The following FBXL17 variants were observed in gnomAD, a reference collection of about 807,000 sequenced individuals.
FBXL17 encodes the protein F-box and leucine rich repeat protein 17.
Under a neutral mutation model 66.2 loss-of-function variants are expected in FBXL17, and 22 were observed. That is an observed-to-expected ratio of 0.33 (90% CI 0.24 to 0.47). The LOEUF is 0.47. Among genes scored for constraint, FBXL17 ranks in the 20% least tolerant of loss-of-function variants. The probability of loss-of-function intolerance (pLI) is 1.00; values close to 1 mark genes in which losing one functional copy is unlikely to be tolerated. For missense variants in FBXL17, 878 were observed against 948.2 expected (o/e 0.93, Z 0.97); for synonymous variants, 474 against 400.5 (o/e 1.18, Z -2.19).
chr5:108,229,370 T>C (rs1000992972), intron 4 of FBXL17, among the ~76,000 whole-genome samples: 5 of 152,056 alleles, frequency 3.3e-5, no homozygotes, highest in Non-Finnish European at 7.4e-5. Context: ...AAAATACGCA[T>C]ATAGGCCAAT....
At chr5:107,999,339 A>G (rs532361466) in intron 7 of FBXL17, among the ~76,000 whole-genome samples, 1 of 152,280 alleles carries the variant, frequency 6.6e-6, no homozygotes, top group South Asian at 2.1e-4. Context: ...GGCACTAGCC[A>G]TGCAAGACTC....
chr5:108,077,564 G>A (rs1748600198), intron 6 of FBXL17, among the ~76,000 whole-genome samples: 1 of 151,692 alleles, frequency 6.6e-6, no homozygotes, highest in Non-Finnish European at 1.5e-5. Flanking sequence ...ATATGAGGCT[G>A]AGGCAGGAGG....
At chr5:107,898,252 GT>G (rs1749448103) in intron 7 of FBXL17, among the ~76,000 whole-genome samples, 1 of 152,086 alleles carries the variant, frequency 6.6e-6, no homozygotes, top group South Asian at 2.1e-4. Flanking sequence ...AACACTTTTA[GT>G]GAAAAAGGAA....
chr5:108,379,433 T>A (rs1749685869), intron 1 of FBXL17, among the ~76,000 whole-genome samples: 1 of 152,194 alleles, frequency 6.6e-6, no homozygotes, highest in African/African-American at 2.4e-5. Flanking sequence ...AAGAATTAGA[T>A]CATTACATTT....
chr5:107,924,680 C>A (rs1580716725), intron 7 of FBXL17, among the ~76,000 whole-genome samples: 1 of 152,170 alleles, frequency 6.6e-6, no homozygotes. Context: ...TGGACTTAAC[C>A]AGGCAATTGT....
chr5:107,895,794 C>T (rs1030304109), intron 7 of FBXL17, among the ~76,000 whole-genome samples: 3 of 152,078 alleles, frequency 2.0e-5, no homozygotes, highest in African/African-American at 7.2e-5. Flanking sequence ...GTGTTGTTAC[C>T]AAAAACCTAT....
Position 108,076,691 on chromosome 5 carries a change from A to G in FBXL17, c.1746-55690T>C, listed in dbSNP as rs553907419. On this transcript the variant is annotated intron_variant, in intron 6 of 8. Coordinates refer to ENST00000542267, the MANE Select transcript of FBXL17 (RefSeq NM_001163315.3). Reference sequence around the variant, plus strand: ...AAAAATTTGCAGCCATAGAGAATCTACCTTAATACGGCAATGTCCCCTCCC... The same window carrying G: ...AAAAATTTGCAGCCATAGAGAATCTGCCTTAATACGGCAATGTCCCCTCCC... Among the ~76,000 whole-genome samples the G allele has an allele frequency of 9.2e-5, 14 of 152,302 alleles. No individual in the cohort carries two copies. In the South Asian group the frequency reaches 2.7e-3, roughly 29 times the overall value.
At chr5:108,153,901 C>G (rs1280787043) in intron 6 of FBXL17, among the ~76,000 whole-genome samples, 1 of 152,148 alleles carries the variant, frequency 6.6e-6, no homozygotes, top group African/African-American at 2.4e-5. Flanking sequence ...TATGAACCAA[C>G]TAGGTGTCCA....
intron 4 of FBXL17, among the ~76,000 whole-genome samples, chr5:108,308,768 AT>A (rs1250339671): frequency 6.6e-6 from 1 of 152,040 alleles, no homozygotes. Flanking sequence ...GGTAGCATTA[AT>A]TTTTTTAAAG....
At chr5:107,972,535 T>C (rs1439619961) in intron 7 of FBXL17, among the ~76,000 whole-genome samples, 1 of 152,200 alleles carries the variant, frequency 6.6e-6, no homozygotes, top group African/African-American at 2.4e-5. Flanking sequence ...TTTCTTCCAA[T>C]GTAAGATCAA....
rs949457112 is a variant in FBXL17 at position 108,269,272 on chromosome 5, C to T, written c.1507-45044G>A. 9.2e-5 allele frequency among the ~76,000 whole-genome samples: 14 copies of T among 152,112 alleles called. No individual in the cohort carries two copies. In the South Asian group the frequency reaches 1.0e-3, roughly 11 times the overall value. The stretch of plus-strand genomic sequence containing the variant: ...ACTTCACCTCAAAATAATCAATATG[C>T]CACTCAAAGTGGCGTATTTTGAGGT... On this transcript the variant is annotated intron_variant, in intron 4 of 8. Coordinates refer to ENST00000542267, the MANE Select transcript of FBXL17 (RefSeq NM_001163315.3).
chr5:108,313,390 C>T (rs1260113848), intron 4 of FBXL17, among the ~76,000 whole-genome samples: 1 of 152,106 alleles, frequency 6.6e-6, no homozygotes, highest in Non-Finnish European at 1.5e-5. Flanking sequence ...AAAGCAGACA[C>T]TTAAGGCCAT....
At chr5:108,340,981 G>A (rs1746839888) in intron 4 of FBXL17, among the ~76,000 whole-genome samples, 1 of 152,098 alleles carries the variant, frequency 6.6e-6, no homozygotes, top group African/African-American at 2.4e-5. Context: ...ACATATCTTA[G>A]TACCATATTG....
intron 7 of FBXL17, among the ~76,000 whole-genome samples, chr5:107,885,949 T>TAA (rs34249804): frequency 7.1e-4 from 106 of 149,432 alleles, no homozygotes; most frequent in African/African-American, 1.7e-3. Flanking sequence ...CTTCCCAAAA[T>TAA]AAAAAAAAAA....
chr5:108,150,206 A>G (rs10464048), intron 6 of FBXL17, among the ~76,000 whole-genome samples: 48,383 of 151,950 alleles, frequency 0.32, 8,573 homozygotes, highest in Admixed American at 0.41. Flanking sequence ...TCATTATCAT[A>G]CCCAAGAAAT....
chr5:108,246,946 G>A (rs1461638203), intron 4 of FBXL17, among the ~76,000 whole-genome samples: 1 of 152,148 alleles, frequency 6.6e-6, no homozygotes, highest in African/African-American at 2.4e-5. Context: ...ACCTAATATT[G>A]TGGAATTCAC....
chr5:108,324,426 A>G (rs1267619074), intron 4 of FBXL17, among the ~76,000 whole-genome samples: 1 of 152,074 alleles, frequency 6.6e-6, no homozygotes, highest in Non-Finnish European at 1.5e-5. Context: ...AAATAAACAA[A>G]CAGAAAATAA....
chr5:108,219,305 T>TAG (rs1754744836), intron 5 of FBXL17, among the ~76,000 whole-genome samples: 1 of 824 alleles, frequency 1.2e-3, no homozygotes, highest in African/African-American at 0.011. Context: ...GTATTCAAGT[T>TAG]ATTATTTCTT....
At chr5:108,274,187 A>C (rs1757390081) in intron 4 of FBXL17, among the ~76,000 whole-genome samples, 1 of 152,202 alleles carries the variant, frequency 6.6e-6, no homozygotes, top group South Asian at 2.1e-4. Context: ...AAAATTTATT[A>C]GGTGTGAATT....
Sources: allele counts gnomAD v4.1 joint callset (sites outside exome capture counted in the v4.1 genomes callset), GRCh38; gene constraint gnomAD v4.1.1; transcripts MANE v1.5; gene names NCBI Gene and HGNC (gene_info 2026-07-23, HGNC 2026-07-21).